The following LEPR variants were observed in gnomAD, a reference collection of about 807,000 sequenced individuals.
LEPR encodes leptin receptor, also known as OB receptor.
In LEPR, 56 loss-of-function variants were observed where a neutral mutation model predicts 114.7. That is an observed-to-expected ratio of 0.49 (90% CI 0.39 to 0.61). LEPR has a LOEUF of 0.61. LEPR is among the 20% of genes least tolerant of loss of function. The pLI is 0.00. For synonymous variants in LEPR, 443 were observed against 461.4 expected (o/e 0.96, Z 0.51); for missense variants, 1,202 against 1,352.9 (o/e 0.89, Z 1.75).
intron 2 of LEPR, among the ~76,000 whole-genome samples, chr1:65,446,228 T>G (rs935305242): frequency 4.6e-5 from 7 of 152,208 alleles, no homozygotes; most frequent in African/African-American, 1.7e-4. Flanking sequence ...CAACCAACAA[T>G]GTATGAGAGT....
intron 2 of LEPR, among the ~76,000 whole-genome samples, chr1:65,535,715 T>G (rs1208356399): frequency 2.0e-5 from 3 of 152,096 alleles, no homozygotes; most frequent in African/African-American, 7.2e-5. Flanking sequence ...AACAGTAATT[T>G]AGGTAAGTGG....
At chr1:65,589,172 A>T (rs372973330) in intron 5 of LEPR, among the ~76,000 whole-genome samples, 1 of 151,942 alleles carries the variant, frequency 6.6e-6, no homozygotes, top group Non-Finnish European at 1.5e-5. Flanking sequence ...GTGACTAATG[A>T]TGTTGAGCAT....
chr1:65,506,983 C>T (rs990566904), intron 2 of LEPR, among the ~76,000 whole-genome samples: 2 of 152,122 alleles, frequency 1.3e-5, no homozygotes, highest in Non-Finnish European at 2.9e-5. Flanking sequence ...CCTTTTTACT[C>T]TCTGTTTCTA....
At chr1:65,550,868 G>A (rs1751481) in intron 2 of LEPR, among the ~76,000 whole-genome samples, 99,556 of 151,740 alleles carry the variant, frequency 0.66, 33,774 homozygotes, top group Middle Eastern at 0.77. Flanking sequence ...AGATGAACCC[G>A]GTACCTCAGA....
chr1:65,484,232 G>T (rs1647361299), intron 2 of LEPR, among the ~76,000 whole-genome samples: 1 of 152,000 alleles, frequency 6.6e-6, no homozygotes, highest in African/African-American at 2.4e-5. Context: ...CAGATTACTT[G>T]GCCCATAGTA....
intron 2 of LEPR, among the ~76,000 whole-genome samples, chr1:65,519,860 GTTTTGTTTTGT>G (rs1649541832): frequency 6.6e-6 from 1 of 151,752 alleles, no homozygotes; most frequent in Non-Finnish European, 1.5e-5. Context: ...TGTTTTTTTT[GTTTTGTTTTGT>G]TTTTGTTTTT....
chr1:65,595,913 G>A (rs776904748), intron 6 of LEPR, among the ~76,000 whole-genome samples: 2 of 151,930 alleles, frequency 1.3e-5, no homozygotes, highest in Non-Finnish European at 2.9e-5. Context: ...GACAAGCCAG[G>A]GACTGCTGAT....
chr1:65,518,929 G>A (rs941741052), intron 2 of LEPR, among the ~76,000 whole-genome samples: 239 of 89,140 alleles, frequency 2.7e-3, no homozygotes, highest in African/African-American at 0.01. Context: ...CTCTTTCTCT[G>A]TTTCTTTCTT....
At chr1:65,467,609 C>G (rs1439066201) in intron 2 of LEPR, among the ~76,000 whole-genome samples, 1 of 152,234 alleles carries the variant, frequency 6.6e-6, no homozygotes, top group Non-Finnish European at 1.5e-5. Flanking sequence ...AAGCCGTCTG[C>G]TACCTTTTGT....
intron 8 of LEPR, among the ~76,000 whole-genome samples, chr1:65,600,573 A>G (rs536767587): frequency 6.6e-6 from 1 of 152,278 alleles, no homozygotes; most frequent in East Asian, 1.9e-4. Flanking sequence ...TACAACTGAA[A>G]TGTACTGACG....
intron 5 of LEPR, among the ~76,000 whole-genome samples, chr1:65,578,958 C>G (rs1654790849): frequency 1.3e-5 from 2 of 152,172 alleles, no homozygotes; most frequent in South Asian, 4.1e-4. Flanking sequence ...GTGCCACTGC[C>G]ATCATATCTG....
intron 2 of LEPR, among the ~76,000 whole-genome samples, chr1:65,529,653 A>G (rs1025841911): frequency 2.3e-4 from 35 of 152,128 alleles, no homozygotes; most frequent in Admixed American, 1.7e-3. Flanking sequence ...CTTGTTTTCA[A>G]TATTCTGCTA....
intron 2 of LEPR, among the ~76,000 whole-genome samples, chr1:65,541,704 A>G (rs1173237528): frequency 1.3e-4 from 20 of 152,180 alleles, no homozygotes; most frequent in Admixed American, 1.3e-3. Context: ...TTTCAGTTGC[A>G]TTTAAATTAA....
intron 2 of LEPR, among the ~76,000 whole-genome samples, chr1:65,523,861 G>A (rs138248755): frequency 1.3e-5 from 2 of 152,274 alleles, no homozygotes; most frequent in African/African-American, 4.8e-5. Flanking sequence ...TAAGAATCTC[G>A]AGATGAGACC....
At chr1:65,550,651 C>A (rs1165340125) in intron 2 of LEPR, among the ~76,000 whole-genome samples, 1 of 152,180 alleles carries the variant, frequency 6.6e-6, no homozygotes, top group Non-Finnish European at 1.5e-5. Flanking sequence ...CTGGTGCGCC[C>A]TTTCCTAAGC....
At chr1:65,498,534 G>A (rs1648279144) in intron 2 of LEPR, among the ~76,000 whole-genome samples, 2 of 152,178 alleles carry the variant, frequency 1.3e-5, no homozygotes, top group South Asian at 4.1e-4. Context: ...GACATTTTCT[G>A]GTGTTGGGTA....
At chr1:65,629,262 C>T (rs1316611203) in intron 19 of LEPR, 1 of 366,492 alleles carries the variant, frequency 2.7e-6, no homozygotes, top group African/African-American at 2.2e-5. Context: ...AACATTAGCA[C>T]TCTTACGCTT....
chr1:65,516,090 A>C (rs1649269808), intron 2 of LEPR, among the ~76,000 whole-genome samples: 1 of 152,162 alleles, frequency 6.6e-6, no homozygotes. Flanking sequence ...TTTGCATTTA[A>C]TGTGTAAAAT....
chr1:65,586,541 A>G (rs1429567456), intron 5 of LEPR, among the ~76,000 whole-genome samples: 1 of 151,950 alleles, frequency 6.6e-6, no homozygotes, highest in Non-Finnish European at 1.5e-5. Flanking sequence ...AAACAATTAT[A>G]GTTAGTATGT....
Sources: allele counts gnomAD v4.1 joint callset (sites outside exome capture counted in the v4.1 genomes callset), GRCh38; gene constraint gnomAD v4.1.1; transcripts MANE v1.5; gene names NCBI Gene and HGNC (gene_info 2026-07-23, HGNC 2026-07-21).